Variants in MAPK6 observed in about 807,000 individuals in gnomAD.
The protein encoded by MAPK6 is mitogen-activated protein kinase 6, also known as ERK-3.
In MAPK6, 19 loss-of-function variants were observed where a neutral mutation model predicts 59.3. The observed-to-expected ratio is 0.32, with a 90% confidence interval of 0.22 to 0.47. MAPK6 has a LOEUF of 0.47. Ranked by LOEUF, MAPK6 falls within the 20% of genes least tolerant of loss-of-function variation. MAPK6 has a pLI of 1.00. For synonymous variants in MAPK6, 316 were observed against 290.3 expected (o/e 1.09, Z -0.90); for missense variants, 724 against 847.9 (o/e 0.85, Z 1.81).
At chr15:51,984,447 ATTTTT>A (rs71130112) in intron 2 of MAPK6, among the ~76,000 whole-genome samples, 9 of 69,974 alleles carry the variant, frequency 1.3e-4, no homozygotes, top group African/African-American at 5.3e-4. Flanking sequence ...ACGCCGGCTA[ATTTTT>A]TTTTTTTTTT....
chr15:52,048,207 T>C (rs1179497534), intron 2 of MAPK6, among the ~76,000 whole-genome samples: 1 of 152,088 alleles, frequency 6.6e-6, no homozygotes, highest in Non-Finnish European at 1.5e-5. Flanking sequence ...TGGAGTGCAA[T>C]AGTGTGATCT....
chr15:52,012,997 A>G lies in MAPK6; in HGVS notation c.-632+8595A>G, dbSNP rs1209967724. On this transcript the variant is annotated intron_variant, in intron 3 of 7. Coordinates refer to the MAPK6 transcript ENST00000691380. ...GTGAGACTCCGCCTGGAAAAAAAAAAAAAAAAAAAAAAAAAAAAAAAAAAT... is the reference window on the plus strand; with the variant it reads ...GTGAGACTCCGCCTGGAAAAAAAAAGAAAAAAAAAAAAAAAAAAAAAAAAT... 4.3e-4 allele frequency among the ~76,000 whole-genome samples: 5 copies of G among 11,590 alleles called. No individual in the cohort carries two copies. In the East Asian group the frequency reaches 7.2e-3, roughly 17 times the overall value. 7.6% of individuals were successfully genotyped at this position (11,590 alleles called of 152,430 possible).
intron 1 of MAPK6, among the ~76,000 whole-genome samples, chr15:51,974,261 T>A (rs1003528183): frequency 2.6e-5 from 4 of 151,848 alleles, no homozygotes; most frequent in Admixed American, 6.6e-5. Context: ...TACACCCAGT[T>A]TGATTAAAGT....
chr15:52,050,269 C>A, intron 3 of MAPK6, 132 bp downstream of exon 3: 1 of 788,292 alleles, frequency 1.3e-6, no homozygotes, highest in Non-Finnish European at 1.9e-6. Context: ...GATAAATTGG[C>A]GTTTTTAATA....
chr15:52,028,169 G>C (rs1042443317), intron 1 of MAPK6, among the ~76,000 whole-genome samples: 4 of 151,742 alleles, frequency 2.6e-5, no homozygotes, highest in South Asian at 2.1e-4. Flanking sequence ...AGCCAGGATG[G>C]TCTCGATCTC....
At chr15:52,012,234 T>G (rs1236503137) in intron 3 of MAPK6, among the ~76,000 whole-genome samples, 5 of 152,232 alleles carry the variant, frequency 3.3e-5, no homozygotes, top group Non-Finnish European at 7.3e-5. Context: ...CATCTTTTTT[T>G]CAGAGAACAT....
At chr15:52,061,799 A>G (rs1202858126) in intron 5 of MAPK6, among the ~76,000 whole-genome samples, 2 of 152,108 alleles carry the variant, frequency 1.3e-5, no homozygotes, top group African/African-American at 4.8e-5. Flanking sequence ...ATGGTCCTTA[A>G]TATTTATATC....
chr15:52,020,203 T>G (rs986335043), intron 1 of MAPK6, among the ~76,000 whole-genome samples: 2 of 152,252 alleles, frequency 1.3e-5, no homozygotes, highest in African/African-American at 2.4e-5. Flanking sequence ...TTAGTCCGCC[T>G]TGTGAGTTGT....
intron 3 of MAPK6, 67 bp from the exon 4 acceptor site, chr15:52,058,566 T>G: frequency 7.8e-7 from 1 of 1,290,240 alleles, no homozygotes; most frequent in Middle Eastern, 1.9e-4. Flanking sequence ...TAAATTAGTT[T>G]AGTATGTTTA....
intron 1 of MAPK6, among the ~76,000 whole-genome samples, chr15:51,973,714 G>A (rs1183790503): frequency 2.6e-5 from 4 of 151,422 alleles, no homozygotes; most frequent in East Asian, 1.9e-4. Flanking sequence ...GTACAATGGC[G>A]TGATCTCAGC....
At chr15:51,987,860 G>A (rs2057195972) in intron 2 of MAPK6, among the ~76,000 whole-genome samples, 1 of 150,534 alleles carries the variant, frequency 6.6e-6, no homozygotes, top group African/African-American at 2.5e-5. Context: ...CCTCCTCCCG[G>A]GTTCAAGTGA....
At chr15:52,011,360 A>G (rs1039354773) in intron 3 of MAPK6, 3 of 152,282 alleles carry the variant, frequency 2.0e-5, no homozygotes, top group African/African-American at 7.2e-5. Flanking sequence ...GTGCCGAGCC[A>G]TCACATGTTT....
In MAPK6 at chr15:52,030,611, C is replaced by CTTTTTTTTTTTTTTTTTTTTTTT. The variant is rs11295636; in HGVS notation, c.-632+11243_-632+11265dup. Reference sequence around the variant, plus strand: ...TGTGTTTTAGTTATGCAGAAGAAGGCTTTTTTTTTTTTTTTTTTTTTTTTT... The same window carrying CTTTTTTTTTTTTTTTTTTTTTTT: ...TGTGTTTTAGTTATGCAGAAGAAGGCTTTTTTTTTTTTTTTTTTTTTTTTTTTTTTTTTTTTTTTTTTTTTTTT... On this transcript the variant is annotated intron_variant, in intron 1 of 5. Coordinates refer to ENST00000261845, the MANE Select transcript of MAPK6 (RefSeq NM_002748.4). 5.6e-5 allele frequency among the ~76,000 whole-genome samples: 2 copies of CTTTTTTTTTTTTTTTTTTTTTTT among 35,742 alleles called. 1 individual carries two copies. Among genetic ancestry groups the CTTTTTTTTTTTTTTTTTTTTTTT allele is most frequent in the African/African-American group, 2.3e-4 (2 of 8,778 alleles). The allele number at this position is 35,742 out of a possible 152,430, so 23.4% of individuals were successfully genotyped here. A position where few individuals can be genotyped will look rare whatever the true frequency, so the allele number is the denominator to read the frequency against.
chr15:51,981,847 G>A (rs1249486707), intron 1 of MAPK6, among the ~76,000 whole-genome samples: 1 of 151,918 alleles, frequency 6.6e-6, no homozygotes, highest in African/African-American at 2.4e-5. Context: ...TAAGAAAAAC[G>A]ATATGCAGAA....
rs955303871 is a variant in MAPK6 at position 51,980,022 on chromosome 15, C to T, written c.-879-3184C>T. Reference sequence around the variant, plus strand: ...AAATTAGAAGTAGAAGGGCCGGGCGCGGTGGCTCACACCTGTAATCCCAGT... The same window carrying T: ...AAATTAGAAGTAGAAGGGCCGGGCGTGGTGGCTCACACCTGTAATCCCAGT... On this transcript the variant is annotated intron_variant, in intron 1 of 7. Coordinates refer to the MAPK6 transcript ENST00000691380. 5.3e-5 allele frequency among the ~76,000 whole-genome samples: 8 copies of T among 150,876 alleles called. No homozygotes were observed. The East Asian group carries it at 1.2e-3, about 22-fold the overall frequency.
chr15:52,063,011 T>A (rs2032265516), intron 5 of MAPK6, among the ~76,000 whole-genome samples: 1 of 152,212 alleles, frequency 6.6e-6, no homozygotes, highest in African/African-American at 2.4e-5. Context: ...TATGGTATGT[T>A]TACACAAATC....
chr15:52,000,082 G>A (rs2057237811), intron 2 of MAPK6, among the ~76,000 whole-genome samples: 1 of 151,652 alleles, frequency 6.6e-6, no homozygotes, highest in African/African-American at 2.4e-5. Flanking sequence ...AGACCACAAG[G>A]GTGTGCCACC....
intron 3 of MAPK6, chr15:52,011,087 T>C (rs748076731): frequency 1.3e-5 from 2 of 152,232 alleles, no homozygotes; most frequent in Admixed American, 6.5e-5. Context: ...GTAGTCACTT[T>C]TGAACATGCA....
upstream of MAPK6, among the ~76,000 whole-genome samples, chr15:52,016,244 G>C (rs1210806822): frequency 1.3e-5 from 2 of 151,034 alleles, no homozygotes; most frequent in African/African-American, 4.9e-5. Flanking sequence ...ACTAAAATTA[G>C]CTGGGCATGT....
Sources: allele counts gnomAD v4.1 joint callset (sites outside exome capture counted in the v4.1 genomes callset), GRCh38; gene constraint gnomAD v4.1.1; transcripts MANE v1.5; gene names NCBI Gene and HGNC (gene_info 2026-07-23, HGNC 2026-07-21).